BNC2: variants seen among roughly 807,000 people sequenced by gnomAD.
BNC2 encodes zinc finger protein basonuclin-2.
A neutral mutation model predicts 76.3 loss-of-function variants in BNC2; 20 were observed. That is an observed-to-expected ratio of 0.26 (90% CI 0.18 to 0.38). BNC2 has a LOEUF of 0.38. Ranked by LOEUF, BNC2 falls within the 10% of genes least tolerant of loss-of-function variation. The pLI is 1.00. For synonymous variants in BNC2, 582 were observed against 514.8 expected (o/e 1.13, Z -1.77); for missense variants, 1,382 against 1,399.8 (o/e 0.99, Z 0.20).
At chr9:16,485,646 C>T (rs556128709) in intron 5 of BNC2, among the ~76,000 whole-genome samples, 1 of 152,166 alleles carries the variant, frequency 6.6e-6, no homozygotes, top group East Asian at 1.9e-4. Context: ...ATAGTGAGAC[C>T]CTGTCTCTAC....
chr9:16,611,817 A>G (rs2133435983), intron 3 of BNC2, among the ~76,000 whole-genome samples: 1 of 86,922 alleles, frequency 1.2e-5, no homozygotes, highest in South Asian at 5.3e-4. Flanking sequence ...TAAAGGAACA[A>G]TTCTTGATTT....
intron 3 of BNC2, among the ~76,000 whole-genome samples, chr9:16,636,593 A>G (rs1470331013): frequency 6.6e-6 from 1 of 152,132 alleles, no homozygotes; most frequent in Non-Finnish European, 1.5e-5. Flanking sequence ...GTGAGCCGCC[A>G]CACCCAGCTA....
At chr9:16,509,462 AT>A (rs1166255973) in intron 5 of BNC2, among the ~76,000 whole-genome samples, 1 of 152,048 alleles carries the variant, frequency 6.6e-6, no homozygotes, top group African/African-American at 2.4e-5. Context: ...CACTAGTAAC[AT>A]TGGTATCAGA....
chr9:16,738,482 G>A lies in BNC2; in HGVS notation c.7C>T (p.His3Tyr), dbSNP rs1824746316. ...TGTGGAGGTGGGGTGGGCCCAAGGT[G>A]TGCCTATTGAGAGATTGGGAAAGGA... MA[H>Y]LGPTPPPHSL... The change falls in exon 2 of 7, where the codon CAC becomes TAC. Residue 3 changes from histidine to tyrosine, a missense_variant. Physicochemically the swap from His to Tyr is moderately conservative, Grantham distance 83. Transcript: ENST00000380672. The A allele has an allele frequency of 6.2e-7, 1 of 1,614,016 alleles. No homozygotes were observed. Among genetic ancestry groups the A allele is most frequent in the Non-Finnish European group, 8.5e-7 (1 of 1,179,946 alleles).
chr9:16,472,562 C>T (rs531701150), intron 5 of BNC2, among the ~76,000 whole-genome samples: 40 of 152,286 alleles, frequency 2.6e-4, no homozygotes, highest in African/African-American at 9.6e-4. Context: ...CAGACTGGCT[C>T]GCCTATTCAC....
chr9:16,856,292 C>A (rs1360016912), intron 1 of BNC2, among the ~76,000 whole-genome samples: 1 of 151,962 alleles, frequency 6.6e-6, no homozygotes, highest in Non-Finnish European at 1.5e-5. Flanking sequence ...CACACACACA[C>A]ACACACACAC....
chr9:16,573,506 T>C (rs957746825), intron 4 of BNC2, among the ~76,000 whole-genome samples: 1 of 144,926 alleles, frequency 6.9e-6, no homozygotes, highest in African/African-American at 2.8e-5. Context: ...TAACAGTGGC[T>C]TCCTTATTGG....
intron 1 of BNC2, among the ~76,000 whole-genome samples, chr9:16,860,985 G>A (rs370412564): frequency 5.9e-5 from 9 of 151,624 alleles, no homozygotes; most frequent in African/African-American, 2.2e-4. Flanking sequence ...GGTGGAGGTT[G>A]CAGTGAGCTG....
intron 3 of BNC2, among the ~76,000 whole-genome samples, chr9:16,711,284 G>T (rs896663421): frequency 6.6e-6 from 1 of 152,090 alleles, no homozygotes; most frequent in South Asian, 2.1e-4. Flanking sequence ...AAGGGGGGGC[G>T]GTTGTTACAA....
At chr9:16,535,227 A>C (rs1818092615) in intron 5 of BNC2, among the ~76,000 whole-genome samples, 1 of 152,206 alleles carries the variant, frequency 6.6e-6, no homozygotes, top group Non-Finnish European at 1.5e-5. Context: ...ACTTGGTGTC[A>C]TTTACACATC....
At chr9:16,769,072 G>C (rs931769359) in intron 1 of BNC2, among the ~76,000 whole-genome samples, 4 of 152,142 alleles carry the variant, frequency 2.6e-5, no homozygotes, top group Non-Finnish European at 4.4e-5. Context: ...GAAAGCAACG[G>C]GTCTTCTGTA....
intron 1 of BNC2, among the ~76,000 whole-genome samples, chr9:16,753,782 G>A (rs1454296415): frequency 6.6e-6 from 1 of 152,098 alleles, no homozygotes; most frequent in Non-Finnish European, 1.5e-5. Context: ...CTTCCATATA[G>A]AACACCATCC....
chr9:16,780,257 C>CAAAAAAAAAAAAAA (rs1212395782), intron 1 of BNC2, among the ~76,000 whole-genome samples: 1 of 78,690 alleles, frequency 1.3e-5, no homozygotes, highest in South Asian at 3.3e-4. Context: ...AAAAAAAAAA[C>CAAAAAAAAAAAAAA]AAAAAAAAAC....
chr9:16,716,094 C>G (rs1358078820), intron 3 of BNC2, among the ~76,000 whole-genome samples: 2 of 152,108 alleles, frequency 1.3e-5, no homozygotes, highest in African/African-American at 4.8e-5. Context: ...TCTCTGAAGC[C>G]CAAAATAGAT....
chr9:16,610,905 G>A (rs1820527414), intron 3 of BNC2, among the ~76,000 whole-genome samples: 1 of 152,120 alleles, frequency 6.6e-6, no homozygotes, highest in Non-Finnish European at 1.5e-5. Context: ...CACTTAGGCT[G>A]CCACTGCTGT....
chr9:16,799,989 C>A (rs1207630595), intron 1 of BNC2, among the ~76,000 whole-genome samples: 1 of 152,024 alleles, frequency 6.6e-6, no homozygotes, highest in East Asian at 1.9e-4. Context: ...CTTTGACAGG[C>A]ACAGGTGGGC....
At chr9:16,759,185 G>A (rs993651910) in intron 1 of BNC2, among the ~76,000 whole-genome samples, 7 of 152,282 alleles carry the variant, frequency 4.6e-5, no homozygotes, top group Middle Eastern at 6.8e-3. Flanking sequence ...TAATAAGAAA[G>A]ATATGATTTC....
intron 4 of BNC2, among the ~76,000 whole-genome samples, chr9:16,555,571 G>C (rs1038327796): frequency 6.6e-6 from 1 of 151,578 alleles, no homozygotes; most frequent in African/African-American, 2.4e-5. Context: ...CGAGACGGCA[G>C]ATTGCCTAAG....
intron 3 of BNC2, among the ~76,000 whole-genome samples, chr9:16,721,915 T>A (rs1299062107): frequency 1.4e-5 from 2 of 146,836 alleles, no homozygotes; most frequent in African/African-American, 2.5e-5. Context: ...TTCCTTTTGA[T>A]ATATGTGCTA....
Sources: gnomAD v4.1 joint callset for allele counts (sites outside exome capture counted in the v4.1 genomes callset) on GRCh38, gnomAD v4.1.1 for gene constraint, MANE v1.5 for transcripts, NCBI Gene and HGNC (gene_info 2026-07-23, HGNC 2026-07-21) for gene names.